The following ATP13A3 variants were observed in gnomAD, a reference collection of about 807,000 sequenced individuals.
ATP13A3 encodes the protein ATPase 13A3, also known as polyamine-transporting ATPase 13A3.
Under a neutral mutation model 158.1 loss-of-function variants are expected in ATP13A3, and 59 were observed. The ratio of observed to expected loss-of-function variants is 0.37; its 90% CI spans 0.30 to 0.46. The LOEUF (loss-of-function observed/expected upper bound fraction) is 0.46, where lower values mean the gene tolerates loss of function less well. Among genes scored for constraint, ATP13A3 ranks in the 20% least tolerant of loss-of-function variants. The probability of loss-of-function intolerance (pLI) is 1.00; values close to 1 mark genes in which losing one functional copy is unlikely to be tolerated. For synonymous variants in ATP13A3, 491 were observed against 504.3 expected (o/e 0.97, Z 0.35); for missense variants, 1,166 against 1,525.2 (o/e 0.76, Z 3.92).
intron 11 of ATP13A3, among the ~76,000 whole-genome samples, chr3:194,449,757 A>G (rs991253969): frequency 2.6e-5 from 4 of 152,184 alleles, no homozygotes; most frequent in Non-Finnish European, 4.4e-5. Context: ...AAGTCATTTT[A>G]AAGCCTGTAT....
chr3:194,463,885 C>T (rs901064799), intron 2 of ATP13A3, among the ~76,000 whole-genome samples: 60 of 152,216 alleles, frequency 3.9e-4, no homozygotes, highest in Non-Finnish European at 2.2e-4. Context: ...ATCTGCCCAG[C>T]GTGGTGGCTC....
Position 194,459,795 on chromosome 3 carries a change from T to C in ATP13A3, c.402A>G (p.Ser134=), listed in dbSNP as rs763683266. 16 of 1,608,868 alleles carry C rather than the reference T, an allele frequency of 9.9e-6. No individual in the cohort carries two copies. The highest frequency in any genetic ancestry group is 1.4e-5 in the Non-Finnish European group (16 of 1,177,856). The change falls in exon 5 of 34, where the codon TCA becomes TCG. Residue 134 remains serine, a synonymous_variant. Coordinates refer to ENST00000645319, the MANE Select transcript of ATP13A3 (RefSeq NM_001367549.1). The stretch of plus-strand genomic sequence containing the variant: ...GACATTAAGATCACAATACCTGTTG[T>C]GATTCAGTCTGTGAATATTTACTGA... ...HRISKYSQTE[S]QQIRYFTHHS... is the part of the protein sequence containing the mutation.
At chr3:194,427,969 C>T (rs1008101846) in intron 28 of ATP13A3, among the ~76,000 whole-genome samples, 18 of 151,942 alleles carry the variant, frequency 1.2e-4, no homozygotes, top group Admixed American at 2.6e-4. Context: ...GCCTGTAATC[C>T]CAGCAATTTG....
intron 17 of ATP13A3, 59 bp from the exon 18 acceptor site, chr3:194,437,632 G>C: frequency 6.8e-7 from 1 of 1,465,774 alleles, no homozygotes; most frequent in Non-Finnish European, 9.2e-7. Context: ...ACACACTAAA[G>C]TTAGAAAAAG....
At position 194,412,224 on chromosome 3, in the gene ATP13A3, C is replaced by T. The variant is rs143931444; in HGVS notation, c.3548G>A (p.Arg1183Gln). 1.8e-5 allele frequency: 28 copies of T among 1,536,120 alleles called. No homozygotes were observed. The highest frequency in any genetic ancestry group is 7.3e-5 in the East Asian group (3 of 40,912). Residue 1183 changes from arginine (R) to glutamine (Q), a missense_variant, in exon 33 of 34, where the codon CGG becomes CAG. By Grantham distance (43) the Arg-to-Gln change is conservative. Around this residue, in one of 3 missense-constraint regions of ATP13A3, gnomAD observed 997 missense variants for 1,341.2 expected, o/e 0.74. Coordinates refer to ENST00000645319, the MANE Select transcript of ATP13A3 (RefSeq NM_001367549.1). ...VFNRDKQGEYRFSTTQPPQES... is the reference protein window; with the variant it reads ...VFNRDKQGEYQFSTTQPPQES... ...CTGCGGTGGCTGTGTGGTGCTGAAC[C>T]GATACTCTCCTTGTTTGTCTCGGTT... is the stretch of plus-strand genomic sequence containing the variant.
intron 15 of ATP13A3, among the ~76,000 whole-genome samples, chr3:194,442,209 A>G (rs1718097537): frequency 6.6e-6 from 1 of 152,250 alleles, no homozygotes; most frequent in Non-Finnish European, 1.5e-5. Flanking sequence ...GGGAGCTCAA[A>G]GAAAATTCTG....
rs1714815154 is a variant in ATP13A3 at position 194,404,660 on chromosome 3, G to T, written c.*1259C>A. On this transcript the variant is annotated 3_prime_UTR_variant, in exon 34 of 34. Transcript: ENST00000645319. ...CCTTAATTTTGGCAAGAATTTAAAT[G>T]TTAATCAGGCCAAACAGAAAGGTGA... is the stretch of plus-strand genomic sequence containing the variant. The T allele has an allele frequency of 6.6e-6, 1 of 152,202 alleles. No individual in the cohort carries two copies. The highest frequency in any genetic ancestry group is 2.4e-5 in the African/African-American group (1 of 41,440). The allele number at this position is 152,202 out of a possible 1,614,324, so 9.4% of individuals were successfully genotyped here. A position where few individuals can be genotyped will look rare whatever the true frequency, so the allele number is the denominator to read the frequency against.
chr3:194,419,021 T>G (rs1053019843), intron 31 of ATP13A3, among the ~76,000 whole-genome samples: 2 of 152,170 alleles, frequency 1.3e-5, no homozygotes, highest in Non-Finnish European at 2.9e-5. Context: ...CTGAAAGACA[T>G]GTAAAAATAT....
At chr3:194,417,722 T>C (rs183304572) in intron 31 of ATP13A3, among the ~76,000 whole-genome samples, 1 of 152,212 alleles carries the variant, frequency 6.6e-6, no homozygotes, top group Admixed American at 6.5e-5. Context: ...GAGGATCACT[T>C]GAGCCCAGGA....
At chr3:194,432,066 AAAG>A (rs1362267718) in intron 21 of ATP13A3, 174 bp from the exon 22 acceptor site, 1 of 545,314 alleles carries the variant, frequency 1.8e-6, no homozygotes, top group Non-Finnish European at 3.0e-6. Flanking sequence ...ATACTTATCA[AAAG>A]AAGCCTCAAA....
chr3:194,408,737 C>A (rs1231635812), intron 33 of ATP13A3, among the ~76,000 whole-genome samples: 1 of 152,098 alleles, frequency 6.6e-6, no homozygotes, highest in Non-Finnish European at 1.5e-5. Context: ...CCTACCTCCC[C>A]CAAGTATCAT....
intron 17 of ATP13A3, 57 bp downstream of exon 17, chr3:194,438,799 T>TA (rs1322799678): frequency 1.7e-6 from 2 of 1,196,206 alleles, no homozygotes; most frequent in African/African-American, 3.2e-5. Flanking sequence ...TGAAAAAAAT[T>TA]AAAAATAAAT....
chr3:194,417,746 C>A (rs1236072921), intron 31 of ATP13A3, among the ~76,000 whole-genome samples: 1 of 151,834 alleles, frequency 6.6e-6, no homozygotes, highest in Non-Finnish European at 1.5e-5. Context: ...GGGGGTCAGA[C>A]TGGGCAACAC....
At position 194,424,865 on chromosome 3, in the gene ATP13A3, C is replaced by T. The variant is rs146569486; in HGVS notation, c.3313+477G>A. Among the ~76,000 whole-genome samples, 37 of 152,282 alleles carry T rather than the reference C, an allele frequency of 2.4e-4. No homozygotes were observed. In the East Asian group the frequency reaches 5.4e-3, roughly 22 times the overall value. The stretch of plus-strand genomic sequence containing the variant: ...TCCCAGAGGTGAACACAGGCCACAC[C>T]AGCGTCGGAAATGAAGAAGATGGCA... On this transcript the variant is annotated intron_variant, in intron 30 of 33. Transcript: ENST00000645319.
intron 33 of ATP13A3, among the ~76,000 whole-genome samples, chr3:194,410,562 C>G (rs1715331761): frequency 6.6e-6 from 1 of 151,968 alleles, no homozygotes. Flanking sequence ...GAGTGAGACC[C>G]TGGTCTCACA....
intron 2 of ATP13A3, among the ~76,000 whole-genome samples, chr3:194,477,974 T>C (rs1441042163): frequency 6.6e-6 from 1 of 152,216 alleles, no homozygotes; most frequent in Non-Finnish European, 1.5e-5. Flanking sequence ...CACCAACATG[T>C]TCACCAATGA....
chr3:194,440,564 G>C (rs1484954809), intron 16 of ATP13A3, among the ~76,000 whole-genome samples: 2 of 152,162 alleles, frequency 1.3e-5, no homozygotes, highest in African/African-American at 4.8e-5. Flanking sequence ...ATATGGGCAA[G>C]GGTAAAATTT....
At chr3:194,450,117 C>G in intron 11 of ATP13A3, 28 bp downstream of exon 11, 1 of 1,609,092 alleles carries the variant, frequency 6.2e-7, no homozygotes, top group Non-Finnish European at 8.5e-7. Flanking sequence ...ATGAACAACT[C>G]ATGTTGATAT....
chr3:194,428,975 C>A, intron 27 of ATP13A3, 58 bp from the exon 28 acceptor site: 2 of 1,177,056 alleles, frequency 1.7e-6, no homozygotes, highest in East Asian at 2.6e-5. Flanking sequence ...TATAGCGTCC[C>A]CAGGTTTTAT....
Sources: allele counts gnomAD v4.1 joint callset (sites outside exome capture counted in the v4.1 genomes callset), GRCh38; gene constraint gnomAD v4.1.1; regional missense constraint gnomAD v4.1.1; transcripts MANE v1.5; gene names NCBI Gene and HGNC (gene_info 2026-07-23, HGNC 2026-07-21).